The following TSPAN14 variants were observed in gnomAD, a reference collection of about 807,000 sequenced individuals.
TSPAN14 encodes the protein tetraspanin-14.
A neutral mutation model predicts 36.6 loss-of-function variants in TSPAN14; 16 were observed. That is an observed-to-expected ratio of 0.44 (90% CI 0.30 to 0.66). TSPAN14 has a LOEUF of 0.66. TSPAN14 is among the 30% of genes least tolerant of loss of function. TSPAN14 has a pLI of 0.12. For synonymous variants in TSPAN14, 139 were observed against 143.8 expected, an observed-to-expected ratio of 0.97 and a Z score of 0.24; for missense variants, 231 against 355.1, an observed-to-expected ratio of 0.65 and a Z score of 2.81.
Position 80,509,529 on chromosome 10 carries a change from G to A in TSPAN14, c.450+58G>A. On this transcript the variant is annotated intron_variant, in intron 5 of 8. Coordinates refer to ENST00000429989, the Ensembl canonical transcript of TSPAN14. The surrounding 1 kb of genome is among the most constrained non-coding windows in gnomAD (Gnocchi z 4.7). ...CATGCACCTCCCTGTGCTGCCTGGA[G>A]CTGAGTCTAGCAGGGGCATCAGGCC... 6.4e-7 allele frequency: 1 copy of A among 1,568,970 alleles called. No homozygotes were observed. Among genetic ancestry groups the A allele is most frequent in the South Asian group, 1.2e-5 (1 of 85,102 alleles).
chr10:80,509,202 C>T lies in TSPAN14; in HGVS notation c.280-99C>T. The T allele has an allele frequency of 7.4e-7, 1 of 1,349,616 alleles. No individual in the cohort carries two copies. Among genetic ancestry groups the T allele is most frequent in the Non-Finnish European group, 1.0e-6 (1 of 979,140 alleles). The allele number at this position is 1,349,616 out of a possible 1,614,324, so 83.6% of individuals were successfully genotyped here. A position where few individuals can be genotyped will look rare whatever the true frequency, so the allele number is the denominator to read the frequency against. On this transcript the variant is annotated intron_variant, in intron 4 of 8. Transcript: ENST00000429989. The surrounding 1 kb of genome is among the most constrained non-coding windows in gnomAD (Gnocchi z 4.7). The stretch of plus-strand genomic sequence containing the variant: ...GGGACTCTCAGGTGCAGAGCCCACG[C>T]TCTGCTGAGGATGGTGGTTCTGGGT...
At chr10:80,505,298 G>A (rs1396410904) in intron 3 of TSPAN14, among the ~76,000 whole-genome samples, 1 of 152,004 alleles carries the variant, frequency 6.6e-6, no homozygotes, top group Non-Finnish European at 1.5e-5. Context: ...TCCTACTGTC[G>A]GGAAGGACAT....
In TSPAN14 at chr10:80,504,581, A is replaced by G. The variant is rs1840184520; in HGVS notation, c.82-147A>G. The G allele has an allele frequency of 4.8e-6, 4 of 827,172 alleles. No individual in the cohort carries two copies. In the African/African-American group the frequency reaches 6.8e-5, roughly 14 times the overall value. 51.2% of individuals were successfully genotyped at this position (827,172 alleles called of 1,614,324 possible). ...ATATTCAGGAAGGTAGGTTCAGGTTATCTGTCATCTGCGGGGCCTGAGGGG... is the reference window on the plus strand; with the variant it reads ...ATATTCAGGAAGGTAGGTTCAGGTTGTCTGTCATCTGCGGGGCCTGAGGGG... On this transcript the variant is annotated intron_variant, in intron 2 of 8. Coordinates refer to ENST00000429989, the Ensembl canonical transcript of TSPAN14.
At chr10:80,517,864 G>A in intron 8 of TSPAN14, 41 bp from the exon 9 acceptor site, 1 of 1,545,838 alleles carries the variant, frequency 6.5e-7, no homozygotes, top group Non-Finnish European at 8.8e-7. Flanking sequence ...CTGCCTTTGG[G>A]CCCCAGCAAT....
chr10:80,511,848 G>A (rs995047534), intron 5 of TSPAN14, among the ~76,000 whole-genome samples: 1 of 143,272 alleles, frequency 7.0e-6, no homozygotes, highest in African/African-American at 2.6e-5. Context: ...TGGGGGTCTT[G>A]CTGTGTTGCC....
chr10:80,465,669 C>T (rs938737234), intron 1 of TSPAN14, among the ~76,000 whole-genome samples: 5 of 152,310 alleles, frequency 3.3e-5, no homozygotes, highest in African/African-American at 1.2e-4. Context: ...CACTGAGGTG[C>T]ACACTAAAGA....
intron 1 of TSPAN14, among the ~76,000 whole-genome samples, chr10:80,476,645 G>T (rs566842568): frequency 6.6e-6 from 1 of 152,104 alleles, no homozygotes; most frequent in African/African-American, 2.4e-5. Flanking sequence ...TCGATATCCT[G>T]ACCTCGTGAT....
chr10:80,455,358 A>G (rs1177974015), intron 1 of TSPAN14, among the ~76,000 whole-genome samples: 1 of 152,054 alleles, frequency 6.6e-6, no homozygotes, highest in East Asian at 1.9e-4. Context: ...TGGCGCTGCT[A>G]TCCGGGAGGT....
intron 1 of TSPAN14, among the ~76,000 whole-genome samples, chr10:80,457,092 C>T (rs1420047297): frequency 1.2e-4 from 18 of 152,072 alleles, no homozygotes; most frequent in Non-Finnish European, 4.4e-5. Context: ...GCAAAACAAC[C>T]GTGATGTCAA....
At chr10:80,503,723 T>A (rs772701105) in intron 2 of TSPAN14, among the ~76,000 whole-genome samples, 1 of 152,132 alleles carries the variant, frequency 6.6e-6, no homozygotes, top group African/African-American at 2.4e-5. Flanking sequence ...GCCCTTTCTT[T>A]CCATTCTAGC....
intron 1 of TSPAN14, among the ~76,000 whole-genome samples, chr10:80,463,402 G>A (rs4933397): frequency 6.6e-6 from 1 of 151,978 alleles, no homozygotes; most frequent in African/African-American, 2.4e-5. Flanking sequence ...CTTCAGTTCT[G>A]CTCCCCTGAG....
exon 9 of TSPAN14, chr10:80,520,840 AC>A: frequency 1.9e-6 from 1 of 532,284 alleles, no homozygotes; most frequent in South Asian, 1.4e-5. Context: ...CAGACACTGC[AC>A]CTCCTGAATG....
chr10:80,486,939 T>G (rs1329690103), intron 1 of TSPAN14, among the ~76,000 whole-genome samples: 2 of 152,128 alleles, frequency 1.3e-5, no homozygotes, highest in Non-Finnish European at 2.9e-5. Flanking sequence ...GTCAAACCAT[T>G]GGCTGGGTGT....
intron 1 of TSPAN14, among the ~76,000 whole-genome samples, chr10:80,471,324 G>T (rs1469127118): frequency 6.6e-6 from 1 of 152,008 alleles, no homozygotes; most frequent in Non-Finnish European, 1.5e-5. Context: ...ATGGATTGCT[G>T]GGTGGTTTGC....
At chr10:80,487,291 G>A (rs2132008436) in intron 1 of TSPAN14, among the ~76,000 whole-genome samples, 1 of 151,920 alleles carries the variant, frequency 6.6e-6, no homozygotes, top group East Asian at 1.9e-4. Context: ...TGCTGGGCAT[G>A]GGTCTGCTGG....
chr10:80,512,186 A>G, exon 6 of TSPAN14: 1 of 1,614,146 alleles, frequency 6.2e-7, no homozygotes, highest in Non-Finnish European at 8.5e-7. Context: ...CTGGGACCTC[A>G]ACGTCTACTT....
intron 1 of TSPAN14, among the ~76,000 whole-genome samples, chr10:80,479,077 A>G (rs1039955729): frequency 6.6e-6 from 1 of 152,118 alleles, no homozygotes; most frequent in African/African-American, 2.4e-5. Context: ...TTTTTTGGCT[A>G]CATAAATGTC....
intron 2 of TSPAN14, among the ~76,000 whole-genome samples, chr10:80,499,875 G>A (rs1052441334): frequency 6.6e-6 from 1 of 151,786 alleles, no homozygotes; most frequent in African/African-American, 2.4e-5. Flanking sequence ...GCTGGGCCCC[G>A]TTCTTCAGTA....
intron 1 of TSPAN14, among the ~76,000 whole-genome samples, chr10:80,480,360 C>T (rs1847190959): frequency 1.3e-5 from 2 of 152,192 alleles, no homozygotes; most frequent in Admixed American, 6.6e-5. Flanking sequence ...GAGGGCATCC[C>T]AGTCAGTGTG....
Sources: allele counts gnomAD v4.1 joint callset (sites outside exome capture counted in the v4.1 genomes callset), GRCh38; gene constraint gnomAD v4.1.1; non-coding constraint Gnocchi (gnomAD v3.1); transcripts MANE v1.5; gene names NCBI Gene and HGNC (gene_info 2026-07-23, HGNC 2026-07-21).